The following ARHGAP28 variants were observed in gnomAD, a reference collection of about 807,000 sequenced individuals.
ARHGAP28 encodes Rho GTPase activating protein 28.
Under a neutral mutation model 90.7 loss-of-function variants are expected in ARHGAP28, and 56 were observed. That is an observed-to-expected ratio of 0.62 (90% CI 0.50 to 0.77). ARHGAP28 has a LOEUF of 0.77. Among genes scored for constraint, ARHGAP28 ranks in the 30% least tolerant of loss-of-function variants. The pLI, the probability that ARHGAP28 is intolerant of heterozygous loss-of-function variation, is 0.00. For missense variants in ARHGAP28, 869 were observed against 900.9 expected, an observed-to-expected ratio of 0.96 and a Z score of 0.45; for synonymous variants, 308 against 323.3, an observed-to-expected ratio of 0.95 and a Z score of 0.51.
intron 3 of ARHGAP28, among the ~76,000 whole-genome samples, chr18:6,842,654 T>G (rs1428300581): frequency 6.6e-6 from 1 of 152,166 alleles, no homozygotes; most frequent in Non-Finnish European, 1.5e-5. Flanking sequence ...TTTATGTTAA[T>G]TAAGAAATGA....
chr18:6,808,501 G>A (rs1488442635), intron 1 of ARHGAP28, among the ~76,000 whole-genome samples: 1 of 152,006 alleles, frequency 6.6e-6, no homozygotes, highest in Non-Finnish European at 1.5e-5. Flanking sequence ...TCAATTTCAA[G>A]TGGTCAAGTC....
At chr18:6,762,159 C>T (rs963295604) in intron 1 of ARHGAP28, among the ~76,000 whole-genome samples, 7 of 152,146 alleles carry the variant, frequency 4.6e-5, no homozygotes, top group Non-Finnish European at 8.8e-5. Context: ...AAGCTGTCAG[C>T]CTTTCTGGCT....
intron 1 of ARHGAP28, among the ~76,000 whole-genome samples, chr18:6,806,777 T>C (rs950624131): frequency 6.6e-6 from 1 of 152,090 alleles, no homozygotes; most frequent in Non-Finnish European, 1.5e-5. Context: ...GGATTTCCTG[T>C]AACATTTCTT....
intron 2 of ARHGAP28, among the ~76,000 whole-genome samples, chr18:6,828,558 C>G (rs2056692713): frequency 6.6e-6 from 1 of 152,138 alleles, no homozygotes; most frequent in South Asian, 2.1e-4. Context: ...AGTTTGAGGT[C>G]TTACATTTAA....
intron 3 of ARHGAP28, among the ~76,000 whole-genome samples, chr18:6,841,203 C>CTCTCCTCTCTCTCTCTCT (rs754874496): frequency 2.4e-5 from 1 of 41,972 alleles, no homozygotes; most frequent in African/African-American, 1.2e-4. Context: ...CTCTCTCTCT[C>CTCTCCTCTCTCTCTCTCT]CTCTCCTCTC....
intron 17 of ARHGAP28, among the ~76,000 whole-genome samples, chr18:6,910,172 C>A (rs1294467259): frequency 6.6e-6 from 1 of 152,132 alleles, no homozygotes; most frequent in Non-Finnish European, 1.5e-5. Flanking sequence ...TTGATCTTTC[C>A]CTCCTTTGAA....
At chr18:6,800,459 C>G (rs1183250156) in intron 1 of ARHGAP28, among the ~76,000 whole-genome samples, 2 of 152,130 alleles carry the variant, frequency 1.3e-5, no homozygotes, top group Admixed American at 1.3e-4. Flanking sequence ...GGAACCAACC[C>G]AAATGCACAT....
At chr18:6,887,927 T>C (rs1175323231) in intron 12 of ARHGAP28, among the ~76,000 whole-genome samples, 1 of 152,228 alleles carries the variant, frequency 6.6e-6, no homozygotes, top group African/African-American at 2.4e-5. Flanking sequence ...CTACTCACAT[T>C]AGTCTGGTGT....
At chr18:6,846,322 TAC>T (rs1350515064) in intron 3 of ARHGAP28, among the ~76,000 whole-genome samples, 1 of 152,156 alleles carries the variant, frequency 6.6e-6, no homozygotes, top group Non-Finnish European at 1.5e-5. Flanking sequence ...TTTGTTTCTG[TAC>T]AGTTTCTTTT....
At chr18:6,872,995 A>G (rs2057101911) in intron 7 of ARHGAP28, among the ~76,000 whole-genome samples, 1 of 152,158 alleles carries the variant, frequency 6.6e-6, no homozygotes, top group South Asian at 2.1e-4. Context: ...CAAGAAGGAA[A>G]AAAAAAACAT....
intron 1 of ARHGAP28, among the ~76,000 whole-genome samples, chr18:6,822,956 C>G (rs1045255994): frequency 7.2e-5 from 11 of 152,212 alleles, no homozygotes; most frequent in Admixed American, 3.9e-4. Context: ...CAATCCGCTG[C>G]TGCTCAGCAT....
intron 1 of ARHGAP28, among the ~76,000 whole-genome samples, chr18:6,795,041 G>A (rs1010929727): frequency 2.0e-5 from 3 of 152,040 alleles, no homozygotes; most frequent in African/African-American, 4.8e-5. Context: ...AGATTTAAAC[G>A]GAGTTTCTGG....
rs554383218 is a variant in ARHGAP28 at position 6,790,062 on chromosome 18, C to T, written c.123-34700C>T. ...CCATGTTGGGCAGGCTGGTCTCAAA[C>T]TCCTGACCTCAGGTGATCCGCCTGC... On this transcript the variant is annotated intron_variant, in intron 1 of 17. Coordinates refer to ENST00000383472, the MANE Select transcript of ARHGAP28 (RefSeq NM_001366230.1). 19 of 152,332 alleles carry T rather than the reference C, an allele frequency of 1.2e-4. No individual in the cohort carries two copies. The East Asian group carries it at 3.7e-3, about 30-fold the overall frequency. 9.4% of individuals were successfully genotyped at this position (152,332 alleles called of 1,614,324 possible). A position where few individuals can be genotyped will look rare whatever the true frequency, so the allele number is the denominator to read the frequency against.
In ARHGAP28 at chr18:6,889,996, A is replaced by G. The variant is rs1206243647; in HGVS notation, c.1645A>G (p.Lys549Glu). ...MAPNLFFSRS[K>E]HSDYEELLLA... ...ACCAAACCTTTTCTTCAGTAGAAGC[A>G]AACACTCTGATTATGAAGAATTACT... is the stretch of plus-strand genomic sequence containing the variant. The change falls in exon 13 of 18, where the codon AAA (lysine) becomes GAA (glutamate). Residue 549 changes from lysine (K) to glutamate (E), a missense_variant. Transcript: ENST00000383472. 1.9e-6 allele frequency: 3 copies of G among 1,614,202 alleles called. No homozygotes were observed. In the Admixed American group the frequency reaches 5.0e-5, roughly 27 times the overall value.
chr18:6,877,755 C>T (rs1281058842), intron 10 of ARHGAP28, among the ~76,000 whole-genome samples: 1 of 152,194 alleles, frequency 6.6e-6, no homozygotes, highest in Admixed American at 6.5e-5. Context: ...TTCGTTCTTA[C>T]ATACTCTTCT....
chr18:6,909,436 A>C (rs986246029), intron 17 of ARHGAP28, among the ~76,000 whole-genome samples: 11 of 151,164 alleles, frequency 7.3e-5, no homozygotes, highest in Admixed American at 2.6e-4. Context: ...GGGATTGCAG[A>C]TGCCCGCCAC....
chr18:6,817,789 A>G (rs747418055), intron 1 of ARHGAP28, among the ~76,000 whole-genome samples: 30 of 152,264 alleles, frequency 2.0e-4, no homozygotes, highest in Admixed American at 9.8e-4. Flanking sequence ...AAAACAAAGG[A>G]TTTCACTGCA....
chr18:6,756,059 C>T (rs999215172), intron 1 of ARHGAP28, among the ~76,000 whole-genome samples: 1 of 152,174 alleles, frequency 6.6e-6, no homozygotes, highest in Non-Finnish European at 1.5e-5. Flanking sequence ...GGCTCTTCTA[C>T]TGACTGTGGG....
intron 11 of ARHGAP28, among the ~76,000 whole-genome samples, chr18:6,886,871 G>T (rs1000226718): frequency 6.6e-6 from 1 of 152,096 alleles, no homozygotes. Flanking sequence ...AGGAAGGGAA[G>T]GTCTGCGAAA....
Sources: gnomAD v4.1 joint callset for allele counts (sites outside exome capture counted in the v4.1 genomes callset) on GRCh38, gnomAD v4.1.1 for gene constraint, MANE v1.5 for transcripts, NCBI Gene and HGNC (gene_info 2026-07-23, HGNC 2026-07-21) for gene names.